The following POU2F1 variants were observed in gnomAD, a reference collection of about 807,000 sequenced individuals.
POU2F1 encodes the protein POU domain, class 2, transcription factor 1.
POU2F1 carries 16 observed loss-of-function variants against 84.9 expected under a neutral mutation model. That is an observed-to-expected ratio of 0.19 (90% CI 0.13 to 0.29). POU2F1 has a LOEUF of 0.29. Ranked by LOEUF, POU2F1 falls within the 10% of genes least tolerant of loss-of-function variation. The pLI, the probability that POU2F1 is intolerant of heterozygous loss-of-function variation, is 1.00. For synonymous variants in POU2F1, 368 were observed against 368.3 expected, an observed-to-expected ratio of 1.00 and a Z score of 0.01; for missense variants, 738 against 942.6, an observed-to-expected ratio of 0.78 and a Z score of 2.84.
intron 1 of POU2F1, among the ~76,000 whole-genome samples, chr1:167,250,560 C>T (rs188530465): frequency 1.3e-5 from 2 of 152,138 alleles, no homozygotes; most frequent in South Asian, 4.1e-4. Context: ...GTTGACATTC[C>T]CCTCAGAGGA....
intron 1 of POU2F1, among the ~76,000 whole-genome samples, chr1:167,299,698 T>TTG (rs1173434873): frequency 6.6e-6 from 1 of 151,802 alleles, no homozygotes; most frequent in African/African-American, 2.4e-5. Context: ...GACCAGAGTT[T>TTG]TTTTTTTTTC....
intron 1 of POU2F1, among the ~76,000 whole-genome samples, chr1:167,285,711 G>A (rs531350343): frequency 4.6e-5 from 7 of 152,198 alleles, no homozygotes; most frequent in East Asian, 3.9e-4. Flanking sequence ...CTTCTCTGCC[G>A]TATCCTGGGC....
rs145301016 is a variant in POU2F1, at chr1:167,409,012, G to A, written c.1556-2947G>A. Among the ~76,000 whole-genome samples the A allele has an allele frequency of 2.7e-3, 405 of 152,220 alleles. 1 individual carries two copies. The highest frequency in any genetic ancestry group is 9.1e-3 in the African/African-American group (379 of 41,534). On this transcript the variant is annotated intron_variant, in intron 13 of 15. Transcript: ENST00000367866. The stretch of plus-strand genomic sequence containing the variant: ...TCTCTCAGTCTGTGGCTTTTGAAGC[G>A]CAAAAGATTTTACTTTTGATGAAGT...
Position 167,361,322 on chromosome 1 carries a change from G to A in POU2F1, c.128-4145G>A, listed in dbSNP as rs146071697. 4.2e-3 allele frequency among the ~76,000 whole-genome samples: 633 copies of A among 152,188 alleles called. 4 individuals carry two copies. The highest frequency in any genetic ancestry group is 0.014 in the African/African-American group (600 of 41,510). On this transcript the variant is annotated intron_variant, in intron 2 of 15. Coordinates refer to ENST00000367866, the MANE Select transcript of POU2F1 (RefSeq NM_002697.4). The stretch of plus-strand genomic sequence containing the variant: ...ATTGGCTATGAGTTTATCATAGATG[G>A]CTCTTATTATTTTGAGGTATGTTCC...
At chr1:167,383,532 T>G in intron 7 of POU2F1, 1 of 168,558 alleles carries the variant, frequency 5.9e-6, no homozygotes, top group Non-Finnish European at 1.3e-5. Context: ...GTTGAGCTCT[T>G]TTTGGAATTT....
At chr1:167,248,528 A>G (rs963256123) in intron 1 of POU2F1, among the ~76,000 whole-genome samples, 1 of 152,228 alleles carries the variant, frequency 6.6e-6, no homozygotes, top group African/African-American at 2.4e-5. Flanking sequence ...AATGCTGTGA[A>G]GGATATAAAT....
Position 167,370,196 on chromosome 1 carries a change from T to C in POU2F1, c.264T>C (p.Ala88=), listed in dbSNP as rs774461182. Residue 88 remains alanine (A), a synonymous_variant, in exon 4 of 16, where the codon GCT becomes GCC. Transcript: ENST00000367866. Reference sequence around the variant, plus strand: ...CTGGAACAAGTTTACAGGCTGCTGCTCAGTCTTTAAATGTACAGGTAAGCT... The same window carrying C: ...CTGGAACAAGTTTACAGGCTGCTGCCCAGTCTTTAAATGTACAGGTAAGCT... The part of the protein sequence containing the change: ...QLAGTSLQAA[A]QSLNVQSKSN... The C allele has an allele frequency of 2.1e-5, 33 of 1,606,948 alleles. No individual in the cohort carries two copies. The highest frequency in any genetic ancestry group is 6.7e-5 in the East Asian group (3 of 44,830).
intron 15 of POU2F1, 138 bp downstream of exon 15, chr1:167,413,252 T>C: frequency 4.0e-6 from 3 of 743,392 alleles, no homozygotes; most frequent in Non-Finnish European, 6.6e-6. Context: ...AAGAGTCAAA[T>C]GCTGACTAAC....
At chr1:167,264,086 G>A (rs1651772006) in intron 1 of POU2F1, among the ~76,000 whole-genome samples, 1 of 152,140 alleles carries the variant, frequency 6.6e-6, no homozygotes, top group Non-Finnish European at 1.5e-5. Flanking sequence ...AACCAATGTT[G>A]CAATTACAAA....
At chr1:167,307,985 GC>G (rs1655197615) in intron 1 of POU2F1, among the ~76,000 whole-genome samples, 1 of 152,034 alleles carries the variant, frequency 6.6e-6, no homozygotes, top group South Asian at 2.1e-4. Context: ...TTCAAGTCAT[GC>G]CATGCATCTT....
intron 1 of POU2F1, among the ~76,000 whole-genome samples, chr1:167,273,739 A>G (rs1290716002): frequency 1.3e-5 from 2 of 152,236 alleles, no homozygotes; most frequent in African/African-American, 4.8e-5. Flanking sequence ...AGGCTTCTGT[A>G]TGAAAAGCTA....
chr1:167,302,080 G>A lies in POU2F1; in HGVS notation c.62-30390G>A, dbSNP rs185110602. ...AAACAACTCCTTTTATTTATCCCCC[G>A]CCCCCGAGACGGAGTCTTGCTCTGT... is the stretch of plus-strand genomic sequence containing the variant. On this transcript the variant is annotated intron_variant, in intron 1 of 15. Transcript: ENST00000367866. 7.3e-5 allele frequency among the ~76,000 whole-genome samples: 11 copies of A among 151,054 alleles called. No homozygotes were observed. The Middle Eastern group carries it at 0.01, about 140-fold the overall frequency.
At position 167,283,329 on chromosome 1, in the gene POU2F1, G is replaced by A. The variant is rs112257576; in HGVS notation, c.62-49141G>A. Among the ~76,000 whole-genome samples, 283 of 152,068 alleles carry A rather than the reference G, an allele frequency of 1.9e-3. 1 individual carries two copies. The highest frequency in any genetic ancestry group is 6.5e-3 in the African/African-American group (271 of 41,486). On this transcript the variant is annotated intron_variant, in intron 1 of 15. Transcript: ENST00000367866. ...GAGGAAAAAAAAAAGAGGAAGAAGA[G>A]TATGGACAGAGAACATGGGCCAACA...
intron 1 of POU2F1, among the ~76,000 whole-genome samples, chr1:167,244,429 C>T (rs1650159012): frequency 6.6e-6 from 1 of 152,220 alleles, no homozygotes; most frequent in Admixed American, 6.5e-5. Context: ...GTTCTCCATT[C>T]CTTGCCATGT....
chr1:167,336,053 A>G (rs1158973069), intron 2 of POU2F1, among the ~76,000 whole-genome samples: 1 of 152,252 alleles, frequency 6.6e-6, no homozygotes, highest in East Asian at 1.9e-4. Flanking sequence ...ATGAATGCAT[A>G]AACTATATGT....
rs1658632736 is a variant in POU2F1 at position 167,352,261 on chromosome 1, A to G, written c.128-13206A>G. The stretch of plus-strand genomic sequence containing the variant: ...GACAAAGTTGTCCTTTATAAAATGT[A>G]ATATTTCTTGTGGGCTATAAAATTT... On this transcript the variant is annotated intron_variant, in intron 2 of 15. Coordinates refer to ENST00000367866, the MANE Select transcript of POU2F1 (RefSeq NM_002697.4). 6.6e-5 allele frequency among the ~76,000 whole-genome samples: 10 copies of G among 152,342 alleles called. No homozygotes were observed. In the South Asian group the frequency reaches 2.1e-3, roughly 32 times the overall value.
chr1:167,294,744 G>A (rs1340750362), intron 1 of POU2F1, among the ~76,000 whole-genome samples: 1 of 152,122 alleles, frequency 6.6e-6, no homozygotes, highest in Non-Finnish European at 1.5e-5. Context: ...TGCAAGAATG[G>A]CCAGATCTGG....
At chr1:167,222,085 C>T (rs1281431386) in intron 1 of POU2F1, among the ~76,000 whole-genome samples, 1 of 152,152 alleles carries the variant, frequency 6.6e-6, no homozygotes, top group Non-Finnish European at 1.5e-5. Context: ...CCTCCGGGGC[C>T]TCTCGCTCCG....
chr1:167,381,513 T>C (rs1352928117), intron 7 of POU2F1, among the ~76,000 whole-genome samples: 3 of 152,018 alleles, frequency 2.0e-5, no homozygotes, highest in African/African-American at 4.8e-5. Flanking sequence ...CAGATTAAAC[T>C]AACTTTCATT....
Sources: gnomAD v4.1 joint callset for allele counts (sites outside exome capture counted in the v4.1 genomes callset) on GRCh38, gnomAD v4.1.1 for gene constraint, MANE v1.5 for transcripts, NCBI Gene and HGNC (gene_info 2026-07-23, HGNC 2026-07-21) for gene names.